The following MEF2A variants were observed in gnomAD, a reference collection of about 807,000 sequenced individuals.
MEF2A encodes the protein myocyte enhancer factor 2A, also known as myocyte-specific enhancer factor 2A.
Under a neutral mutation model 55.8 loss-of-function variants are expected in MEF2A, and 28 were observed. The ratio of observed to expected loss-of-function variants is 0.50; its 90% CI spans 0.37 to 0.69. The LOEUF is 0.69. MEF2A is among the 30% of genes least tolerant of loss of function. The probability of loss-of-function intolerance (pLI) is 0.00; values close to 1 mark genes in which losing one functional copy is unlikely to be tolerated. For missense variants in MEF2A, 528 were observed against 626.2 expected, an observed-to-expected ratio of 0.84 and a Z score of 1.67; for synonymous variants, 239 against 227.1, an observed-to-expected ratio of 1.05 and a Z score of -0.47.
At chr15:99,591,652 A>G (rs964145280) in intron 1 of MEF2A, among the ~76,000 whole-genome samples, 3 of 151,930 alleles carry the variant, frequency 2.0e-5, no homozygotes, top group African/African-American at 7.2e-5. Context: ...CATTATGTTT[A>G]GGTTGCCCTT....
chr15:99,634,208 A>G (rs906802299), intron 3 of MEF2A, among the ~76,000 whole-genome samples: 10 of 152,184 alleles, frequency 6.6e-5, no homozygotes, highest in Non-Finnish European at 1.5e-4. Flanking sequence ...ATTGGAGATA[A>G]AACTCAACTG....
intron 2 of MEF2A, among the ~76,000 whole-genome samples, chr15:99,613,853 G>A (rs80043832): frequency 0.01 from 1,553 of 152,308 alleles, 12 homozygotes; most frequent in Non-Finnish European, 0.015. Context: ...CCCTTGTGCA[G>A]CCATACACAA....
At chr15:99,584,964 T>TG (rs1193007199) in intron 1 of MEF2A, among the ~76,000 whole-genome samples, 4 of 151,708 alleles carry the variant, frequency 2.6e-5, no homozygotes, top group South Asian at 2.1e-4. Context: ...TGGAAGGGCA[T>TG]GGGGGGGATA....
chr15:99,634,080 A>G (rs945893885), intron 3 of MEF2A, among the ~76,000 whole-genome samples: 3 of 152,218 alleles, frequency 2.0e-5, no homozygotes, highest in African/African-American at 7.2e-5. Flanking sequence ...TCTCTGGGAA[A>G]GTTGCGTATC....
chr15:99,666,236 A>G (rs200723976), intron 4 of MEF2A, among the ~76,000 whole-genome samples: 1 of 152,094 alleles, frequency 6.6e-6, no homozygotes, highest in African/African-American at 2.4e-5. Context: ...GCACATATAC[A>G]CCATGGAATA....
Position 99,703,364 on chromosome 15 carries a change from G to A in MEF2A, c.861G>A (p.Ser287=), listed in dbSNP as rs367777547. ...TCCCTCTTATGTGCTGAGTACAGTC[G>A]GAGGAAGAGGAATTGGAGTTGGTGA... ...PSSKGMMPPL[S]EEEELELNTQ... Residue 287 remains serine (S), a splice_region_variant and synonymous_variant, in exon 9 of 12, where the codon TCG becomes TCA. Coordinates refer to ENST00000557942, the MANE Select transcript of MEF2A (RefSeq NM_001319206.4). The A allele has an allele frequency of 3.0e-5, 48 of 1,611,696 alleles. No homozygotes were observed. Among genetic ancestry groups the A allele is most frequent in the African/African-American group, 4.0e-5 (3 of 74,908 alleles).
At chr15:99,630,349 C>G (rs560503470) in intron 2 of MEF2A, among the ~76,000 whole-genome samples, 1 of 152,070 alleles carries the variant, frequency 6.6e-6, no homozygotes, top group South Asian at 2.1e-4. Flanking sequence ...TTGATTCTTT[C>G]TTCAGCTGTG....
chr15:99,620,652 A>G (rs1294188141), intron 2 of MEF2A, among the ~76,000 whole-genome samples: 3 of 152,090 alleles, frequency 2.0e-5, no homozygotes, highest in Non-Finnish European at 2.9e-5. Context: ...TAAAACGTAC[A>G]TGTGTCTTTT....
chr15:99,605,151 C>T (rs559708705), intron 2 of MEF2A, among the ~76,000 whole-genome samples: 35 of 152,222 alleles, frequency 2.3e-4, no homozygotes, highest in African/African-American at 7.7e-4. Context: ...TTTTGCCATG[C>T]TGGCCAGGCT....
rs1280172857 is a variant in MEF2A, at chr15:99,710,630, G to C, written c.1010-4G>C. On this transcript the variant is annotated splice_region_variant and splice_polypyrimidine_tract_variant and intron_variant, in intron 10 of 11. Transcript: ENST00000557942. ...ATGCAGAGCCCTCTTGTCTTCCTTT[G>C]TAGATTATTCACTGACCAGCGCTGA... is the stretch of plus-strand genomic sequence containing the variant. 5.6e-6 allele frequency: 9 copies of C among 1,607,722 alleles called. No homozygotes were observed. In the South Asian group the frequency reaches 8.8e-5, roughly 16 times the overall value.
At chr15:99,592,739 G>A (rs1017662514) in intron 1 of MEF2A, among the ~76,000 whole-genome samples, 1 of 152,026 alleles carries the variant, frequency 6.6e-6, no homozygotes, top group Non-Finnish European at 1.5e-5. Context: ...CAGATCTTGC[G>A]TGAACTCAGA....
intron 4 of MEF2A, among the ~76,000 whole-genome samples, chr15:99,665,093 G>A (rs919567007): frequency 1.3e-5 from 2 of 152,206 alleles, no homozygotes; most frequent in Admixed American, 6.5e-5. Context: ...AGAATTATTT[G>A]CAGCTACTAC....
intron 3 of MEF2A, 41 bp downstream of exon 3, chr15:99,633,214 C>T (rs770568287): frequency 6.2e-5 from 86 of 1,383,226 alleles, no homozygotes; most frequent in Non-Finnish European, 7.0e-5. Flanking sequence ...TATGAATATT[C>T]TTTTAAAAAA....
intron 4 of MEF2A, among the ~76,000 whole-genome samples, chr15:99,660,866 A>G (rs770244438): frequency 3.0e-4 from 46 of 152,362 alleles, no homozygotes; most frequent in Admixed American, 1.4e-3. Flanking sequence ...TGAAATATCA[A>G]TCAGAATCCC....
intron 7 of MEF2A, among the ~76,000 whole-genome samples, chr15:99,679,430 A>T (rs1034223467): frequency 1.3e-5 from 2 of 152,248 alleles, no homozygotes; most frequent in African/African-American, 4.8e-5. Context: ...GATGAATGTC[A>T]CCAAACATTA....
chr15:99,569,955 C>T (rs1231853412), intron 1 of MEF2A, among the ~76,000 whole-genome samples: 1 of 151,768 alleles, frequency 6.6e-6, no homozygotes, highest in African/African-American at 2.4e-5. Flanking sequence ...AAATCTTACA[C>T]ATAGCACACG....
intron 7 of MEF2A, among the ~76,000 whole-genome samples, chr15:99,679,605 A>G (rs1474205819): frequency 6.6e-6 from 1 of 152,208 alleles, no homozygotes; most frequent in East Asian, 1.9e-4. Context: ...TACTTTGGGT[A>G]GGTGGGACTC....
At chr15:99,614,615 G>A (rs1020711323) in intron 2 of MEF2A, among the ~76,000 whole-genome samples, 2 of 152,144 alleles carry the variant, frequency 1.3e-5, no homozygotes, top group Non-Finnish European at 2.9e-5. Context: ...TACAGTTGAG[G>A]TAAATGCCAT....
chr15:99,665,795 T>C (rs2049557153), intron 4 of MEF2A, among the ~76,000 whole-genome samples: 1 of 136,376 alleles, frequency 7.3e-6, no homozygotes, highest in Admixed American at 7.2e-5. Flanking sequence ...CAGACACTGC[T>C]CAAAAGAAGA....
Sources: gnomAD v4.1 joint callset for allele counts (sites outside exome capture counted in the v4.1 genomes callset) on GRCh38, gnomAD v4.1.1 for gene constraint, MANE v1.5 for transcripts, NCBI Gene and HGNC (gene_info 2026-07-23, HGNC 2026-07-21) for gene names.